HMGN1: variants seen among roughly 807,000 people sequenced by gnomAD.
The protein encoded by HMGN1 is non-histone chromosomal protein HMG-14.
Under a neutral mutation model 18.4 loss-of-function variants are expected in HMGN1, and 9 were observed. That is an observed-to-expected ratio of 0.49 (90% CI 0.29 to 0.85). The LOEUF (loss-of-function observed/expected upper bound fraction) is 0.85, where lower values mean the gene tolerates loss of function less well. Among genes scored for constraint, HMGN1 ranks in the 40% least tolerant of loss-of-function variants. The probability of loss-of-function intolerance (pLI) is 0.07; values close to 1 mark genes in which losing one functional copy is unlikely to be tolerated. For synonymous variants in HMGN1, 59 were observed against 45.0 expected (o/e 1.31, Z -1.24); for missense variants, 151 against 119.2 (o/e 1.27, Z -1.24).
rs999513084 is a variant in HMGN1 at position 39,343,243 on chromosome 21, T to C, written c.256-84A>G. On this transcript the variant is annotated intron_variant, in intron 5 of 5. Transcript: ENST00000380749. ...TGCAACTATCAGGTCTTTAAAAAAG[T>C]CAATAACCTTTGTTATTTGTAAAGT... is the stretch of plus-strand genomic sequence containing the variant. The C allele has an allele frequency of 3.0e-6, 4 of 1,327,646 alleles. No homozygotes were observed. The African/African-American group carries it at 5.9e-5, about 20-fold the overall frequency. 82.2% of individuals were successfully genotyped at this position (1,327,646 alleles called of 1,614,324 possible). A position where few individuals can be genotyped will look rare whatever the true frequency, so the allele number is the denominator to read the frequency against.
At position 39,343,009 on chromosome 21, in the gene HMGN1, A is replaced by G; in HGVS notation, c.*103T>C. ...CCCTCCTTCTTAAAAATGTTTCTAG[A>G]GCTACTAAAAAACTTGCATTTACAA... On this transcript the variant is annotated 3_prime_UTR_variant, in exon 6 of 6. Coordinates refer to ENST00000380749, the MANE Select transcript of HMGN1 (RefSeq NM_004965.7). The G allele has an allele frequency of 3.3e-6, 4 of 1,217,366 alleles. No individual in the cohort carries two copies. The highest frequency in any genetic ancestry group is 4.8e-6 in the Non-Finnish European group (4 of 837,320). 75.4% of individuals were successfully genotyped at this position (1,217,366 alleles called of 1,614,324 possible). A position where few individuals can be genotyped will look rare whatever the true frequency, so the allele number is the denominator to read the frequency against.
Position 39,343,140 on chromosome 21 carries a change from G to T in HMGN1, c.275C>A (p.Ala92Glu), listed in dbSNP as rs940335527. Residue 92 changes from alanine to glutamate, a missense_variant, in exon 6 of 6, where the codon GCA becomes GAA. Transcript: ENST00000380749. Reference sequence around the variant, plus strand: ...ATCAGACTTGGCTTCTTTCTCTCCTGCTTCATCAGAGGCTGGACTCTGCAA... The same window carrying T: ...ATCAGACTTGGCTTCTTTCTCTCCTTCTTCATCAGAGGCTGGACTCTGCAA... ...KTEESPASDE[A>E]GEKEAKSD 5 of 1,597,080 alleles carry T rather than the reference G, an allele frequency of 3.1e-6. No individual in the cohort carries two copies. In the African/African-American group the frequency reaches 6.7e-5, roughly 22 times the overall value.
Position 39,345,257 on chromosome 21 carries a change from T to A in HMGN1, c.144A>T (p.Lys48Asn), listed in dbSNP as rs1601551648. 1.1e-5 allele frequency: 17 copies of A among 1,613,412 alleles called. No individual in the cohort carries two copies. The East Asian group carries it at 3.6e-4, about 34-fold the overall frequency. Residue 48 changes from lysine (K) to asparagine (N), a missense_variant, in exon 5 of 6, where the codon AAA becomes AAT. Coordinates refer to ENST00000380749, the MANE Select transcript of HMGN1 (RefSeq NM_004965.7). ...KAAAKDKSSDKKVQTKGKRGA... is the reference protein window; with the variant it reads ...KAAAKDKSSDNKVQTKGKRGA... The stretch of plus-strand genomic sequence containing the variant: ...CCCTTTTCCCTTTTGTTTGCACTTT[T>A]TTGTCTGAAGATTTATCCTATGATA...
chr21:39,343,804 C>T (rs1249133360), intron 5 of HMGN1, among the ~76,000 whole-genome samples: 1 of 152,152 alleles, frequency 6.6e-6, no homozygotes, highest in African/African-American at 2.4e-5. Context: ...CGGTTTCATA[C>T]TTGTGGCAGC....
Position 39,343,001 on chromosome 21 carries a change from G to C in HMGN1, c.*111C>G. ...GTGGGATTCCCTCCTTCTTAAAAAT[G>C]TTTCTAGAGCTACTAAAAAACTTGC... On this transcript the variant is annotated 3_prime_UTR_variant, in exon 6 of 6. Transcript: ENST00000380749. 8.3e-7 allele frequency: 1 copy of C among 1,205,790 alleles called. No homozygotes were observed. The highest frequency in any genetic ancestry group is 1.2e-6 in the Non-Finnish European group (1 of 831,250). The allele number at this position is 1,205,790 out of a possible 1,614,324, so 74.7% of individuals were successfully genotyped here.
Position 39,343,113 on chromosome 21 carries a change from T to A in HMGN1, c.302A>T (p.Ter101LeuextTer1). Reference sequence around the variant, plus strand: ...CTGATAAGACATGGTATATGGTTATTAATCAGACTTGGCTTCTTTCTCTCC... The same window carrying A: ...CTGATAAGACATGGTATATGGTTATAAATCAGACTTGGCTTCTTTCTCTCC... ...EAGEKEAKSD[*>L] The change falls in exon 6 of 6, where the codon TAA (stop) becomes TTA (leucine). Residue 101 changes from the stop codon to leucine, a stop_lost. Coordinates refer to ENST00000380749, the MANE Select transcript of HMGN1 (RefSeq NM_004965.7). The A allele has an allele frequency of 1.9e-6, 3 of 1,555,956 alleles. No homozygotes were observed. Among genetic ancestry groups the A allele is most frequent in the Non-Finnish European group, 2.7e-6 (3 of 1,131,364 alleles).
At chr21:39,347,781 ACTG>A (rs2037108129) in intron 4 of HMGN1, 1 of 303,634 alleles carries the variant, frequency 3.3e-6, no homozygotes, top group Non-Finnish European at 5.9e-6. Flanking sequence ...GTTTTGTATA[ACTG>A]CTGATGAACA....
At chr21:39,348,190 G>C in intron 4 of HMGN1, 102 bp downstream of exon 4, 1 of 1,412,778 alleles carries the variant, frequency 7.1e-7, no homozygotes, top group East Asian at 2.3e-5. Context: ...AATTATTAAA[G>C]TATAAATAAA....
intron 5 of HMGN1, 51 bp from the exon 6 acceptor site, chr21:39,343,210 T>C (rs1601545364): frequency 1.4e-5 from 21 of 1,495,724 alleles, no homozygotes; most frequent in Non-Finnish European, 1.8e-5. Context: ...GTTGTCGTTT[T>C]ATTTATATGC....
Position 39,348,574 on chromosome 21 carries a change from T to G in HMGN1, c.19A>C (p.Ser7Arg). The G allele has an allele frequency of 6.2e-7, 1 of 1,604,914 alleles. No individual in the cohort carries two copies. Among genetic ancestry groups the G allele is most frequent in the Non-Finnish European group, 8.5e-7 (1 of 1,175,924 alleles). MPKRKV[S>R]SAEGAAKEEP... Reference sequence around the variant, plus strand: ...TCCTTGGCGGCGCCTTCGGCGGAGCTGACCTGCGGAGACGGAGACGCACGA... The same window carrying G: ...TCCTTGGCGGCGCCTTCGGCGGAGCGGACCTGCGGAGACGGAGACGCACGA... Residue 7 changes from serine (S) to arginine (R), a missense_variant, in exon 2 of 6, where the codon AGC (serine) becomes CGC (arginine). Physicochemically the swap from Ser to Arg is moderately radical, Grantham distance 110. Coordinates refer to ENST00000380749, the MANE Select transcript of HMGN1 (RefSeq NM_004965.7).
intron 1 of HMGN1, 162 bp downstream of exon 1, chr21:39,348,741 C>G: frequency 9.2e-7 from 1 of 1,092,786 alleles, no homozygotes. Context: ...CCAGAACGCC[C>G]GCCCCCGCGG....
chr21:39,348,939 T>A lies in HMGN1; in HGVS notation c.-22A>T. The A allele has an allele frequency of 8.4e-7, 1 of 1,193,198 alleles. No homozygotes were observed. Among genetic ancestry groups the A allele is most frequent in the Non-Finnish European group, 1.0e-6 (1 of 963,868 alleles). The allele number at this position is 1,193,198 out of a possible 1,614,324, so 73.9% of individuals were successfully genotyped here. Reference sequence around the variant, plus strand: ...GCATCGTGGCGGCGGGGAAGGCGCGTGCCGGGTGCCTGCGGGGAAGGCGCG... The same window carrying A: ...GCATCGTGGCGGCGGGGAAGGCGCGAGCCGGGTGCCTGCGGGGAAGGCGCG... On this transcript the variant is annotated 5_prime_UTR_variant, in exon 1 of 6. Transcript: ENST00000380749.
chr21:39,345,109 T>TCACACAAACACACACACA, intron 5 of HMGN1, 37 bp downstream of exon 5: 1 of 1,410,174 alleles, frequency 7.1e-7, no homozygotes, highest in South Asian at 1.3e-5. Context: ...GTCAAAGCAA[T>TCACACAAACACACACACA]CACACACACA....
Position 39,348,282 on chromosome 21 carries a change from C to A in HMGN1, c.126+10G>T. The stretch of plus-strand genomic sequence containing the variant: ...CCCCGCTGCATCCCAATGCGCGTTT[C>A]GAGGCTTACCTTCGCTGCTGCCTTT... On this transcript the variant is annotated intron_variant, in intron 4 of 5. Transcript: ENST00000380749. The A allele has an allele frequency of 6.2e-7, 1 of 1,613,990 alleles. No homozygotes were observed. Among genetic ancestry groups the A allele is most frequent in the South Asian group, 1.1e-5 (1 of 91,082 alleles).
At chr21:39,345,327 T>C in intron 4 of HMGN1, 53 bp from the exon 5 acceptor site, 1 of 1,554,908 alleles carries the variant, frequency 6.4e-7, no homozygotes, top group Non-Finnish European at 8.8e-7. Flanking sequence ...CTTATTTACA[T>C]TTTGTTTTAC....
chr21:39,346,374 T>C (rs2037054352), intron 4 of HMGN1: 1 of 166,302 alleles, frequency 6.0e-6, no homozygotes, highest in South Asian at 1.4e-4. Flanking sequence ...CACACATTGC[T>C]ATCACAAAGT....
chr21:39,348,092 A>T, intron 4 of HMGN1, 200 bp downstream of exon 4: 1 of 882,840 alleles, frequency 1.1e-6, no homozygotes, highest in Non-Finnish European at 1.7e-6. Context: ...TAACATCTGC[A>T]GCAGCATTAG....
At chr21:39,346,412 T>C (rs1200657554) in intron 4 of HMGN1, 4 of 151,880 alleles carry the variant, frequency 2.6e-5, no homozygotes, top group Admixed American at 6.5e-5. Flanking sequence ...ATTTAAGAAC[T>C]ACTCTTTTGT....
At position 39,348,594 on chromosome 21, in the gene HMGN1, G is replaced by C; in HGVS notation, c.16-17C>G. The C allele has an allele frequency of 4.4e-6, 7 of 1,585,320 alleles. No homozygotes were observed. Among genetic ancestry groups the C allele is most frequent in the Non-Finnish European group, 6.0e-6 (7 of 1,167,520 alleles). ...GGAGCTGACCTGCGGAGACGGAGAC[G>C]CACGAATAGAGGCGGGCCGCAGTCC... On this transcript the variant is annotated splice_polypyrimidine_tract_variant and intron_variant, in intron 1 of 5. Transcript: ENST00000380749.
Sources: gnomAD v4.1 joint callset for allele counts (sites outside exome capture counted in the v4.1 genomes callset) on GRCh38, gnomAD v4.1.1 for gene constraint, MANE v1.5 for transcripts, NCBI Gene and HGNC (gene_info 2026-07-23, HGNC 2026-07-21) for gene names.